Variants in ARHGAP26 observed in about 807,000 individuals in gnomAD.
The protein encoded by ARHGAP26 is rho GTPase-activating protein 26.
Under a neutral mutation model 104.8 loss-of-function variants are expected in ARHGAP26, and 38 were observed. The observed-to-expected ratio is 0.36, with a 90% CI of 0.28 to 0.48. The LOEUF (loss-of-function observed/expected upper bound fraction) is 0.48, where lower values mean the gene tolerates loss of function less well. Among genes scored for constraint, ARHGAP26 ranks in the 20% least tolerant of loss-of-function variants. ARHGAP26 has a pLI of 0.99. For synonymous variants in ARHGAP26, 341 were observed against 340.0 expected (o/e 1.00, Z -0.03); for missense variants, 704 against 947.9 (o/e 0.74, Z 3.38).
chr5:143,092,188 T>C (rs11167802), intron 17 of ARHGAP26, among the ~76,000 whole-genome samples: 137,968 of 142,436 alleles, frequency 0.97, 66,849 homozygotes, highest in East Asian at 1. Context: ...TTTTTTGAGA[T>C]GGAGTCTCCC....
chr5:142,773,195 AT>A (rs1413268407), intron 1 of ARHGAP26, among the ~76,000 whole-genome samples: 5 of 152,074 alleles, frequency 3.3e-5, no homozygotes, highest in Non-Finnish European at 7.4e-5. Context: ...TTTGTGTATT[AT>A]TTTTCTTCAG....
chr5:142,817,375 C>A (rs890077980), intron 1 of ARHGAP26, among the ~76,000 whole-genome samples: 9 of 152,296 alleles, frequency 5.9e-5, no homozygotes, highest in African/African-American at 2.2e-4. Flanking sequence ...TGGGTAGAAC[C>A]AGGGAACCAT....
intron 21 of ARHGAP26, among the ~76,000 whole-genome samples, chr5:143,212,765 T>C (rs1051778398): frequency 7.2e-5 from 11 of 152,350 alleles, no homozygotes; most frequent in South Asian, 4.1e-4. Context: ...CCCGGCCCTT[T>C]GCAGAGAAAG....
chr5:143,223,092 C>A lies in ARHGAP26; in HGVS notation c.*646C>A, dbSNP rs1050937625. 2.1e-5 allele frequency: 5 copies of A among 233,384 alleles called. No individual in the cohort carries two copies. The highest frequency in any genetic ancestry group is 5.6e-5 in the Admixed American group (1 of 17,778). The allele number at this position is 233,384 out of a possible 1,614,324, so 14.5% of individuals were successfully genotyped here. A position where few individuals can be genotyped will look rare whatever the true frequency, so the allele number is the denominator to read the frequency against. On this transcript the variant is annotated 3_prime_UTR_variant, in exon 23 of 23. Coordinates refer to ENST00000645722, the MANE Select transcript of ARHGAP26 (RefSeq NM_001135608.3). ...CATGCACGGGAACACACACACCCTG[C>A]GTTTCTCCCTCCCAGGCTAGGAACC...
At position 143,089,316 on chromosome 5, in the gene ARHGAP26, G is replaced by A. The variant is rs143756806; in HGVS notation, c.1538+31569G>A. ...GGATGCATAGTGTGACACAGCACCCGACAAGAATAAGTACACCCATTATGG... is the reference window on the plus strand; with the variant it reads ...GGATGCATAGTGTGACACAGCACCCAACAAGAATAAGTACACCCATTATGG... On this transcript the variant is annotated intron_variant, in intron 17 of 22. Transcript: ENST00000645722. 7.4e-4 allele frequency among the ~76,000 whole-genome samples: 112 copies of A among 152,280 alleles called. 2 individuals are homozygous for A. In the East Asian group the frequency reaches 0.019, roughly 25 times the overall value.
chr5:143,207,238 T>G lies in ARHGAP26; in HGVS notation c.2029T>G (p.Trp677Gly). ...PSPTSPLSPS[W>G]PMFSAPSSPM... The stretch of plus-strand genomic sequence containing the variant: ...CCCAACTTCACCCCTCTCGCCATCT[T>G]GGCCCATGTTCTCGGCGCCATCCAG... The change falls in exon 21 of 23, where the codon TGG (tryptophan) becomes GGG (glycine). Residue 677 changes from tryptophan (W) to glycine (G), a missense_variant. Around this residue, in one of 6 missense-constraint regions of ARHGAP26, gnomAD observed 217 missense variants for 242.6 expected, o/e 0.89. Transcript: ENST00000645722. 1 of 1,614,166 alleles carries G rather than the reference T, an allele frequency of 6.2e-7. No individual in the cohort carries two copies.
chr5:143,085,502 G>A (rs938132436), intron 17 of ARHGAP26, among the ~76,000 whole-genome samples: 1 of 152,090 alleles, frequency 6.6e-6, no homozygotes, highest in African/African-American at 2.4e-5. Flanking sequence ...AAAGGTCAAG[G>A]TACAGATTAG....
intron 11 of ARHGAP26, among the ~76,000 whole-genome samples, chr5:142,987,869 T>C (rs1194172638): frequency 6.6e-6 from 1 of 152,218 alleles, no homozygotes; most frequent in African/African-American, 2.4e-5. Flanking sequence ...GTAGATAAGC[T>C]TTTTGATGTG....
intron 1 of ARHGAP26, among the ~76,000 whole-genome samples, chr5:142,837,497 C>T (rs1308338740): frequency 1.3e-5 from 2 of 152,104 alleles, no homozygotes; most frequent in African/African-American, 4.8e-5. Flanking sequence ...ACTTGAGCTT[C>T]ACTTGGCGAT....
chr5:142,992,702 A>G (rs1273167453), intron 11 of ARHGAP26, among the ~76,000 whole-genome samples: 1 of 152,184 alleles, frequency 6.6e-6, no homozygotes, highest in Non-Finnish European at 1.5e-5. Context: ...CTAGCATTAC[A>G]GGCATGAGTC....
At chr5:142,920,295 C>G (rs935210451) in intron 10 of ARHGAP26, among the ~76,000 whole-genome samples, 10 of 152,136 alleles carry the variant, frequency 6.6e-5, no homozygotes, top group African/African-American at 2.4e-4. Flanking sequence ...TAATTCACTC[C>G]GTCATGCAGT....
At chr5:143,182,608 G>C (rs1339280515) in intron 20 of ARHGAP26, among the ~76,000 whole-genome samples, 1 of 152,156 alleles carries the variant, frequency 6.6e-6, no homozygotes, top group Non-Finnish European at 1.5e-5. Context: ...CATTAACATG[G>C]AAGATGCACA....
At chr5:143,108,679 C>T (rs1794384543) in intron 17 of ARHGAP26, among the ~76,000 whole-genome samples, 1 of 152,104 alleles carries the variant, frequency 6.6e-6, no homozygotes, top group Non-Finnish European at 1.5e-5. Context: ...AGTTATTTCC[C>T]TCATTTAAAA....
intron 1 of ARHGAP26, among the ~76,000 whole-genome samples, chr5:142,784,145 G>T (rs1202499504): frequency 6.6e-6 from 1 of 152,232 alleles, no homozygotes; most frequent in Non-Finnish European, 1.5e-5. Context: ...CATGCTGCCA[G>T]CTCTGTTTAG....
chr5:142,889,034 T>C (rs1371481540), intron 5 of ARHGAP26, among the ~76,000 whole-genome samples: 1 of 152,228 alleles, frequency 6.6e-6, no homozygotes, highest in Non-Finnish European at 1.5e-5. Flanking sequence ...TGATGGATTC[T>C]GTGGCCCACA....
intron 1 of ARHGAP26, among the ~76,000 whole-genome samples, chr5:142,851,338 C>T (rs1012483347): frequency 1.3e-5 from 2 of 152,196 alleles, no homozygotes; most frequent in Non-Finnish European, 2.9e-5. Flanking sequence ...CTCAGGTAAC[C>T]TGCCTGCCTC....
At position 142,947,117 on chromosome 5, in the gene ARHGAP26, A is replaced by AAAAAAG. The variant is rs1767253793; in HGVS notation, c.1107+14994_1107+14995insAAAGAA. The AAAAAAG allele has an allele frequency of 2.0e-5, 3 of 151,010 alleles. No individual in the cohort carries two copies. In the South Asian group the frequency reaches 6.3e-4, roughly 32 times the overall value. 9.4% of individuals were successfully genotyped at this position (151,010 alleles called of 1,614,324 possible). On this transcript the variant is annotated intron_variant, in intron 11 of 22. Coordinates refer to ENST00000645722, the MANE Select transcript of ARHGAP26 (RefSeq NM_001135608.3). ...AAGTAAAAAAAAAAAAAAAAAAAAA[A>AAAAAAG]AAGAGAGAGAGAGAGATGGGGTGGA...
At chr5:142,809,897 C>T (rs1235241617) in intron 1 of ARHGAP26, among the ~76,000 whole-genome samples, 2 of 152,222 alleles carry the variant, frequency 1.3e-5, no homozygotes, top group Non-Finnish European at 2.9e-5. Flanking sequence ...TAAGATAAGG[C>T]CCTTCTCTCA....
chr5:142,969,159 T>C (rs1771859972), intron 11 of ARHGAP26, among the ~76,000 whole-genome samples: 1 of 152,220 alleles, frequency 6.6e-6, no homozygotes, highest in Non-Finnish European at 1.5e-5. Flanking sequence ...CAGGCTTGTC[T>C]TGAACTCCTG....
Sources: allele counts gnomAD v4.1 joint callset (sites outside exome capture counted in the v4.1 genomes callset), GRCh38; gene constraint gnomAD v4.1.1; regional missense constraint gnomAD v4.1.1; transcripts MANE v1.5; gene names NCBI Gene and HGNC (gene_info 2026-07-23, HGNC 2026-07-21).